The following ROBO1 variants were observed in gnomAD, a reference collection of about 807,000 sequenced individuals.
The protein encoded by ROBO1 is roundabout homolog 1.
Under a neutral mutation model 195.9 loss-of-function variants are expected in ROBO1, and 149 were observed. That is an observed-to-expected ratio of 0.76 (90% CI 0.67 to 0.87). The LOEUF (loss-of-function observed/expected upper bound fraction) is 0.87, where lower values mean the gene tolerates loss of function less well. Ranked by LOEUF, ROBO1 falls within the 40% of genes least tolerant of loss-of-function variation. ROBO1 has a pLI of 0.00. For synonymous variants in ROBO1, 816 were observed against 733.2 expected (o/e 1.11, Z -1.82); for missense variants, 1,933 against 2,068.3 (o/e 0.93, Z 1.27).
intron 4 of ROBO1, among the ~76,000 whole-genome samples, chr3:78,752,769 T>C (rs1488771922): frequency 6.6e-6 from 1 of 152,152 alleles, no homozygotes; most frequent in Non-Finnish European, 1.5e-5. Context: ...AATTTGTTTC[T>C]AAAAAAGATG....
intron 3 of ROBO1, among the ~76,000 whole-genome samples, chr3:78,974,266 T>C (rs10049012): frequency 0.016 from 2,359 of 151,968 alleles, 23 homozygotes; most frequent in Non-Finnish European, 0.024. Flanking sequence ...GTTTCAACAA[T>C]GTCAAAGAGG....
At chr3:78,800,022 T>G (rs889202783) in intron 4 of ROBO1, among the ~76,000 whole-genome samples, 1 of 152,114 alleles carries the variant, frequency 6.6e-6, no homozygotes, top group African/African-American at 2.4e-5. Context: ...CATGACACAT[T>G]GTATAATTGG....
chr3:78,684,739 C>T (rs187867422), intron 10 of ROBO1, among the ~76,000 whole-genome samples: 3 of 152,132 alleles, frequency 2.0e-5, no homozygotes, highest in Admixed American at 2.0e-4. Context: ...GATGAGGAGT[C>T]AAAGATGACT....
chr3:79,248,374 C>CAAAAAAAA (rs10559171), intron 2 of ROBO1, among the ~76,000 whole-genome samples: 9 of 36,184 alleles, frequency 2.5e-4, no homozygotes, highest in East Asian at 2.1e-3. Context: ...GAAGACAGAC[C>CAAAAAAAA]AAAAAAAAAA....
At chr3:78,711,285 C>T (rs142742170) in intron 8 of ROBO1, among the ~76,000 whole-genome samples, 1 of 148,428 alleles carries the variant, frequency 6.7e-6, no homozygotes, top group Non-Finnish European at 1.5e-5. Flanking sequence ...CTTTCTTTCC[C>T]TTTCTTTCTT....
intron 1 of ROBO1, among the ~76,000 whole-genome samples, chr3:79,720,146 T>C (rs190509692): frequency 2.0e-5 from 3 of 152,216 alleles, no homozygotes; most frequent in Non-Finnish European, 4.4e-5. Context: ...CCAGTATTCG[T>C]GCCCTTTATT....
chr3:79,358,483 T>C (rs1222953778), intron 2 of ROBO1, among the ~76,000 whole-genome samples: 1 of 152,048 alleles, frequency 6.6e-6, no homozygotes, highest in East Asian at 1.9e-4. Flanking sequence ...TAGAAGTTAA[T>C]AGTGATTTGT....
intron 14 of ROBO1, 101 bp downstream of exon 14, chr3:78,667,780 CTG>C: frequency 8.4e-7 from 1 of 1,186,060 alleles, no homozygotes; most frequent in Admixed American, 2.6e-5. Context: ...GAACAACACA[CTG>C]TAAATGTACA....
At chr3:78,687,115 G>A (rs544011728) in intron 9 of ROBO1, among the ~76,000 whole-genome samples, 46 of 151,930 alleles carry the variant, frequency 3.0e-4, no homozygotes, top group Admixed American at 7.9e-4. Context: ...GTTATTGAAT[G>A]AAACCAAAAT....
intron 1 of ROBO1, among the ~76,000 whole-genome samples, chr3:79,688,127 C>T (rs920802696): frequency 5.4e-5 from 8 of 149,242 alleles, no homozygotes; most frequent in African/African-American, 2.0e-4. Flanking sequence ...GGACTAAAAA[C>T]CAAACACCGC....
chr3:78,906,607 G>A (rs1346023527), intron 4 of ROBO1, among the ~76,000 whole-genome samples: 1 of 151,944 alleles, frequency 6.6e-6, no homozygotes, highest in African/African-American at 2.4e-5. Context: ...TTCTAACAAA[G>A]GAACATTAAA....
At chr3:78,913,242 A>G (rs2038356951) in intron 4 of ROBO1, among the ~76,000 whole-genome samples, 1 of 152,114 alleles carries the variant, frequency 6.6e-6, no homozygotes, top group Non-Finnish European at 1.5e-5. Context: ...AGTATGTAGA[A>G]TATGGATGAT....
intron 5 of ROBO1, among the ~76,000 whole-genome samples, chr3:78,720,608 G>T (rs904869040): frequency 5.8e-4 from 88 of 152,276 alleles, no homozygotes; most frequent in Non-Finnish European, 6.3e-4. Context: ...ATACCCAAAG[G>T]ATTATAAATC....
At chr3:79,216,910 T>G (rs1383125800) in intron 2 of ROBO1, among the ~76,000 whole-genome samples, 2 of 152,036 alleles carry the variant, frequency 1.3e-5, no homozygotes, top group Non-Finnish European at 2.9e-5. Context: ...TCAAAGGGAA[T>G]TGTGTCGAAT....
intron 3 of ROBO1, among the ~76,000 whole-genome samples, chr3:79,095,594 C>T (rs1011646670): frequency 3.9e-5 from 6 of 152,026 alleles, no homozygotes; most frequent in Non-Finnish European, 8.8e-5. Context: ...AACCATCTTG[C>T]TAAGTTACTC....
intron 4 of ROBO1, among the ~76,000 whole-genome samples, chr3:78,805,763 T>C (rs992788277): frequency 1.6e-4 from 24 of 152,106 alleles, no homozygotes; most frequent in Admixed American, 1.6e-3. Context: ...ACTCTAGATA[T>C]AGCATATTTA....
At chr3:79,284,848 G>T (rs1391358975) in intron 2 of ROBO1, among the ~76,000 whole-genome samples, 3 of 151,812 alleles carry the variant, frequency 2.0e-5, no homozygotes, top group African/African-American at 7.3e-5. Flanking sequence ...ACTTGTAATA[G>T]AAATAAGGTG....
At position 79,398,810 on chromosome 3, in the gene ROBO1, G is replaced by GT. The variant is rs1428729470; in HGVS notation, c.88+191013dup. ...CTGATTCTCAACTTTTTTAAAAAAGGTTATTATTAGTGCCACCCCTAAGGA... is the reference window on the plus strand; with the variant it reads ...CTGATTCTCAACTTTTTTAAAAAAGGTTTATTATTAGTGCCACCCCTAAGGA... On this transcript the variant is annotated intron_variant, in intron 2 of 30. Coordinates refer to ENST00000464233, the MANE Select transcript of ROBO1 (RefSeq NM_002941.4). 2.6e-5 allele frequency among the ~76,000 whole-genome samples: 4 copies of GT among 152,076 alleles called. No individual in the cohort carries two copies. In the South Asian group the frequency reaches 6.2e-4, roughly 24 times the overall value.
At chr3:79,266,707 A>T (rs972738379) in intron 2 of ROBO1, among the ~76,000 whole-genome samples, 4 of 151,618 alleles carry the variant, frequency 2.6e-5, no homozygotes, top group Non-Finnish European at 4.4e-5. Flanking sequence ...GTGTCCAATG[A>T]CAAAGGATGG....
Sources: allele counts gnomAD v4.1 joint callset (sites outside exome capture counted in the v4.1 genomes callset), GRCh38; gene constraint gnomAD v4.1.1; transcripts MANE v1.5; gene names NCBI Gene and HGNC (gene_info 2026-07-23, HGNC 2026-07-21).